PROSER2: variants seen among roughly 807,000 people sequenced by gnomAD.
PROSER2 encodes the protein proline and serine-rich protein 2.
Under a neutral mutation model 14.6 loss-of-function variants are expected in PROSER2, and 18 were observed. That is an observed-to-expected ratio of 1.23 (90% CI 0.85 to 1.83). The LOEUF (loss-of-function observed/expected upper bound fraction) is 1.83, where lower values mean the gene tolerates loss of function less well. PROSER2 is among the 40% of genes most tolerant of loss of function. The probability of loss-of-function intolerance (pLI) is 0.00; values close to 1 mark genes in which losing one functional copy is unlikely to be tolerated. For synonymous variants in PROSER2, 367 were observed against 286.4 expected, an observed-to-expected ratio of 1.28 and a Z score of -2.84; for missense variants, 823 against 629.8, an observed-to-expected ratio of 1.31 and a Z score of -3.28.
intron 1 of PROSER2, among the ~76,000 whole-genome samples, chr10:11,844,481 C>T (rs994270551): frequency 3.3e-5 from 5 of 152,180 alleles, no homozygotes; most frequent in Non-Finnish European, 1.5e-5. Flanking sequence ...CATGTAACAA[C>T]AAATACAAAT....
At chr10:11,868,281 C>A (rs960077383) in intron 3 of PROSER2, among the ~76,000 whole-genome samples, 1 of 152,196 alleles carries the variant, frequency 6.6e-6, no homozygotes, top group Non-Finnish European at 1.5e-5. Flanking sequence ...AACAATTTTT[C>A]TTTCATTTTT....
intron 2 of PROSER2, among the ~76,000 whole-genome samples, chr10:11,853,671 C>G (rs978500030): frequency 6.6e-6 from 1 of 152,190 alleles, no homozygotes; most frequent in Non-Finnish European, 1.5e-5. Context: ...GGGCGCCATT[C>G]CCCTTCATCC....
chr10:11,844,848 C>G (rs1434487800), intron 1 of PROSER2, among the ~76,000 whole-genome samples: 1 of 152,188 alleles, frequency 6.6e-6, no homozygotes, highest in Non-Finnish European at 1.5e-5. Context: ...TCTCAAACTC[C>G]TGACCTCAAG....
chr10:11,845,783 C>T (rs1833916107), intron 1 of PROSER2, among the ~76,000 whole-genome samples: 1 of 152,138 alleles, frequency 6.6e-6, no homozygotes, highest in East Asian at 1.9e-4. Flanking sequence ...TGGCTGGACT[C>T]AACCAGCAGC....
chr10:11,867,487 G>T (rs1412420118), intron 3 of PROSER2, among the ~76,000 whole-genome samples: 1 of 151,940 alleles, frequency 6.6e-6, no homozygotes, highest in Non-Finnish European at 1.5e-5. Flanking sequence ...ACAAAAATTA[G>T]CTGGCGCACA....
Position 11,836,719 on chromosome 10 carries a change from C to G in PROSER2, c.-82+13249C>G, listed in dbSNP as rs1251280142. Among the ~76,000 whole-genome samples, 1 of 152,142 alleles carries G rather than the reference C, an allele frequency of 6.6e-6. No individual in the cohort carries two copies. Among genetic ancestry groups the G allele is most frequent in the East Asian group, 1.9e-4 (1 of 5,200 alleles). On this transcript the variant is annotated intron_variant, in intron 1 of 3. Coordinates refer to ENST00000277570, the MANE Select transcript of PROSER2 (RefSeq NM_153256.4). The surrounding 1 kb of genome is among the most constrained non-coding windows in gnomAD (Gnocchi z 4.6). ...TTTAGAAGCTCATTTCTACCTCTTT[C>G]CCAGCTCAACTGTGCTTGTCTTGAC...
chr10:11,869,337 C>A lies in PROSER2; in HGVS notation c.392-153C>A. On this transcript the variant is annotated intron_variant, in intron 3 of 3. Transcript: ENST00000277570. This position sits in a 1 kb window ranked among gnomAD's most constrained non-coding sequence, Gnocchi z 4.4. ...ATACCACCTTCTCCTTCCCTAGTCC[C>A]AGGAACAGGGAGAGAGGAGTTGACT... 1 of 634,170 alleles carries A rather than the reference C, an allele frequency of 1.6e-6. No homozygotes were observed. The highest frequency in any genetic ancestry group is 2.7e-5 in the Admixed American group (1 of 37,218). 39.3% of individuals were successfully genotyped at this position (634,170 alleles called of 1,614,324 possible).
At chr10:11,867,710 C>T (rs189001967) in intron 3 of PROSER2, among the ~76,000 whole-genome samples, 1 of 152,320 alleles carries the variant, frequency 6.6e-6, no homozygotes, top group Non-Finnish European at 1.5e-5. Flanking sequence ...GCTGTAGATA[C>T]AAATGAAGCT....
intron 1 of PROSER2, among the ~76,000 whole-genome samples, chr10:11,826,594 T>C (rs1332191973): frequency 6.6e-6 from 1 of 152,236 alleles, no homozygotes; most frequent in East Asian, 1.9e-4. Flanking sequence ...ATTTATTTTT[T>C]TGAGACGGAG....
rs556636492 is a variant in PROSER2, at chr10:11,840,278, A to G, written c.-81-11719A>G. 9.3e-4 allele frequency among the ~76,000 whole-genome samples: 141 copies of G among 152,032 alleles called. 1 individual carries two copies. The East Asian group carries it at 0.024, about 25-fold the overall frequency. On this transcript the variant is annotated intron_variant, in intron 1 of 3. Transcript: ENST00000277570. Reference sequence around the variant, plus strand: ...CATTTGTTGTCATTAAAAAAAAAAAAAAGAAAAACTCTTATTTAGTTAACA... The same window carrying G: ...CATTTGTTGTCATTAAAAAAAAAAAGAAGAAAAACTCTTATTTAGTTAACA...
chr10:11,838,233 G>C lies in PROSER2; in HGVS notation c.-81-13764G>C, dbSNP rs1833788531. Among the ~76,000 whole-genome samples, 2 of 152,062 alleles carry C rather than the reference G, an allele frequency of 1.3e-5. No homozygotes were observed. The highest frequency in any genetic ancestry group is 2.9e-5 in the Non-Finnish European group (2 of 68,002). On this transcript the variant is annotated intron_variant, in intron 1 of 3. Transcript: ENST00000277570. The surrounding 1 kb of genome is among the most constrained non-coding windows in gnomAD (Gnocchi z 4.4). ...GACTCACCAGTGGCATTCGGGCCTG[G>C]CTATGCATGTAAAATACAGCGCTGG...
chr10:11,846,779 G>A (rs1833928468), intron 1 of PROSER2, among the ~76,000 whole-genome samples: 1 of 152,130 alleles, frequency 6.6e-6, no homozygotes, highest in Non-Finnish European at 1.5e-5. Flanking sequence ...TTTTAGAGAT[G>A]GCCAGCTCTG....
intron 2 of PROSER2, among the ~76,000 whole-genome samples, chr10:11,855,337 G>A (rs570684609): frequency 3.3e-5 from 5 of 151,888 alleles, no homozygotes; most frequent in African/African-American, 7.2e-5. Context: ...AGCTGGGCGT[G>A]TTGGCGGGCG....
Position 11,856,470 on chromosome 10 carries a change from C to T in PROSER2, c.138+4255C>T, listed in dbSNP as rs981725703. Among the ~76,000 whole-genome samples, 26 of 152,242 alleles carry T rather than the reference C, an allele frequency of 1.7e-4. No homozygotes were observed. The highest frequency in any genetic ancestry group is 4.8e-4 in the African/African-American group (20 of 41,464). ...CTCGGAAAGGGCGGAGAGCTCTGCA[C>T]TCGCATGGTTCTCAAGGAGTGGAGC... On this transcript the variant is annotated intron_variant, in intron 2 of 3. Transcript: ENST00000277570. This position sits in a 1 kb window ranked among gnomAD's most constrained non-coding sequence, Gnocchi z 5.3.
intron 3 of PROSER2, among the ~76,000 whole-genome samples, chr10:11,868,583 T>A (rs1018127542): frequency 4.6e-5 from 7 of 152,110 alleles, no homozygotes; most frequent in Non-Finnish European, 8.8e-5. Flanking sequence ...CATAACAACT[T>A]TAAGTGCCCA....
chr10:11,858,163 T>A (rs1299944447), intron 2 of PROSER2, among the ~76,000 whole-genome samples: 1 of 152,226 alleles, frequency 6.6e-6, no homozygotes, highest in East Asian at 1.9e-4. Flanking sequence ...GGTATCAAAC[T>A]CCTGGCCTCT....
At position 11,870,110 on chromosome 10, in the gene PROSER2, G is replaced by T; in HGVS notation, c.1012G>T (p.Gly338Cys). The T allele has an allele frequency of 7.5e-7, 1 of 1,328,736 alleles. No individual in the cohort carries two copies. Among genetic ancestry groups the T allele is most frequent in the Non-Finnish European group, 9.6e-7 (1 of 1,042,442 alleles). 82.3% of individuals were successfully genotyped at this position (1,328,736 alleles called of 1,614,324 possible). A position where few individuals can be genotyped will look rare whatever the true frequency, so the allele number is the denominator to read the frequency against. ...CCGGGCAGGGGGTCAGGCTCCGCGGGGCCCGGCGCTGGCCAACGGCTTCCC... is the reference window on the plus strand; with the variant it reads ...CCGGGCAGGGGGTCAGGCTCCGCGGTGCCCGGCGCTGGCCAACGGCTTCCC... ...SLRAGGQAPR[G>C]PALANGFPSA... Residue 338 changes from glycine to cysteine, a missense_variant, in exon 4 of 4, where the codon GGC becomes TGC. Transcript: ENST00000277570.
rs1031622417 is a variant in PROSER2 at position 11,836,531 on chromosome 10, A to T, written c.-82+13061A>T. On this transcript the variant is annotated intron_variant, in intron 1 of 3. Transcript: ENST00000277570. This position sits in a 1 kb window ranked among gnomAD's most constrained non-coding sequence, Gnocchi z 4.6. Reference sequence around the variant, plus strand: ...CTTTAAAGACAATTTCTTTCCTAAGATATGTTTATTCTATATTTTGGAACA... The same window carrying T: ...CTTTAAAGACAATTTCTTTCCTAAGTTATGTTTATTCTATATTTTGGAACA... Among the ~76,000 whole-genome samples the T allele has an allele frequency of 6.6e-5, 10 of 152,054 alleles. No homozygotes were observed. The highest frequency in any genetic ancestry group is 2.4e-4 in the African/African-American group (10 of 41,374).
chr10:11,841,997 C>G (rs1275426836), intron 1 of PROSER2, among the ~76,000 whole-genome samples: 2 of 152,036 alleles, frequency 1.3e-5, no homozygotes, highest in Non-Finnish European at 2.9e-5. Context: ...CCGAGGCAGG[C>G]GGATTGCCTG....
Sources: gnomAD v4.1 joint callset for allele counts (sites outside exome capture counted in the v4.1 genomes callset) on GRCh38, gnomAD v4.1.1 for gene constraint, Gnocchi (gnomAD v3.1) non-coding constraint, MANE v1.5 for transcripts, NCBI Gene and HGNC (gene_info 2026-07-23, HGNC 2026-07-21) for gene names.